Variants in CFHR5 observed in about 807,000 individuals in gnomAD.
CFHR5 encodes the protein complement factor H related 5.
CFHR5 carries 73 observed loss-of-function variants against 62.9 expected under a neutral mutation model. The observed-to-expected ratio is 1.16, with a 90% CI of 0.96 to 1.41. The LOEUF (loss-of-function observed/expected upper bound fraction) is 1.41. CFHR5 is among the 40% of genes most tolerant of loss of function. CFHR5 has a pLI of 0.00. For missense variants in CFHR5, 779 were observed against 679.9 expected (o/e 1.15, Z -1.62); for synonymous variants, 249 against 227.2 (o/e 1.10, Z -0.86).
chr1:196,998,102 T>A, intron 6 of CFHR5, 26 bp from the exon 7 acceptor site: 1 of 1,376,146 alleles, frequency 7.3e-7, no homozygotes, highest in South Asian at 1.3e-5. Flanking sequence ...AATTGTTTAG[T>A]TTCTATTTAA....
chr1:196,994,252 C>G lies in CFHR5; in HGVS notation c.603C>G (p.Cys201Trp), dbSNP rs1653931459. 1 of 1,609,158 alleles carries G rather than the reference C, an allele frequency of 6.2e-7. No homozygotes were observed. The highest frequency in any genetic ancestry group is 1.3e-5 in the African/African-American group (1 of 74,746). Residue 201 changes from cysteine (C) to tryptophan (W), a missense_variant, in exon 4 of 10, where the codon TGC (cysteine) becomes TGG (tryptophan). By Grantham distance (215) the Cys-to-Trp change is radical. Coordinates refer to ENST00000256785, the MANE Select transcript of CFHR5 (RefSeq NM_030787.4). ...QFGWSPNFPT[C>W]KGQVRSCGPP... ...GGTGGTCACCTAACTTTCCAACATG[C>G]AAAGGTCAGTATTTATTTTAGAAGT...
chr1:197,004,558 G>A, intron 8 of CFHR5, 103 bp from the exon 9 acceptor site: 2 of 927,162 alleles, frequency 2.2e-6, no homozygotes, highest in South Asian at 1.4e-5. Flanking sequence ...TTAATTATTT[G>A]AATTTCCAGA....
intron 7 of CFHR5, among the ~76,000 whole-genome samples, chr1:197,001,637 G>A (rs916091381): frequency 2.6e-5 from 4 of 151,198 alleles, no homozygotes; most frequent in African/African-American, 7.3e-5. Flanking sequence ...GTGTCATGTT[G>A]GTGTGCTGCA....
At chr1:196,992,648 G>A (rs1341133494) in intron 3 of CFHR5, among the ~76,000 whole-genome samples, 1 of 152,084 alleles carries the variant, frequency 6.6e-6, no homozygotes, top group Non-Finnish European at 1.5e-5. Flanking sequence ...TTCCTATTCG[G>A]CCATCTTGGA....
In CFHR5 at chr1:197,002,486, A is replaced by T; in HGVS notation, c.1152A>T (p.Lys384Asn). ...TTTAATTCCAATATTTTGTAGAAAA[A>T]AGGGAACAATTCTGCCCACCGCCAC... ...KWNPEVDCTE[K>N]REQFCPPPPQ... Residue 384 changes from lysine to asparagine, a missense_variant, in exon 8 of 10, where the codon AAA becomes AAT. By Grantham distance (94) the Lys-to-Asn change is moderately conservative. Coordinates refer to ENST00000256785, the MANE Select transcript of CFHR5 (RefSeq NM_030787.4). The T allele has an allele frequency of 6.2e-7, 1 of 1,611,892 alleles. No individual in the cohort carries two copies. Among genetic ancestry groups the T allele is most frequent in the East Asian group, 2.2e-5 (1 of 44,796 alleles).
chr1:196,986,943 C>T (rs972229235), intron 3 of CFHR5, among the ~76,000 whole-genome samples: 1 of 152,200 alleles, frequency 6.6e-6, no homozygotes, highest in Admixed American at 6.5e-5. Context: ...GGAATTGCCA[C>T]ACTGTCTACC....
intron 9 of CFHR5, among the ~76,000 whole-genome samples, chr1:197,006,811 T>C (rs1296076949): frequency 1.3e-5 from 2 of 152,124 alleles, no homozygotes; most frequent in Non-Finnish European, 2.9e-5. Flanking sequence ...ATATTTTTAA[T>C]AGCAGTTTTT....
chr1:196,993,270 T>A (rs1653896080), intron 3 of CFHR5, among the ~76,000 whole-genome samples: 1 of 152,174 alleles, frequency 6.6e-6, no homozygotes, highest in South Asian at 2.1e-4. Flanking sequence ...TAACATTTAT[T>A]AGTTGTATCC....
chr1:196,983,509 T>C (rs1198806644), intron 2 of CFHR5, among the ~76,000 whole-genome samples: 1 of 152,186 alleles, frequency 6.6e-6, no homozygotes, highest in African/African-American at 2.4e-5. Flanking sequence ...ATTTATTTGG[T>C]CCTTCAAAGT....
At chr1:196,986,451 T>C (rs1382574290) in intron 3 of CFHR5, among the ~76,000 whole-genome samples, 1 of 152,046 alleles carries the variant, frequency 6.6e-6, no homozygotes, top group African/African-American at 2.4e-5. Flanking sequence ...ACATGTGTCA[T>C]ATTGGTTTGC....
intron 7 of CFHR5, among the ~76,000 whole-genome samples, chr1:197,001,510 A>T (rs1654152816): frequency 6.6e-6 from 1 of 152,148 alleles, no homozygotes; most frequent in Non-Finnish European, 1.5e-5. Context: ...GAAAAAAAAT[A>T]GCACTTTCAA....
rs1015968854 is a variant in CFHR5, at chr1:197,008,842, A to G, written c.*159A>G. On this transcript the variant is annotated 3_prime_UTR_variant, in exon 10 of 10. Transcript: ENST00000256785. ...GATTTTTAGAGCTTTAGAAATTTGT[A>G]AGCTGAGAGAACAATGTTTCACTTA... 1 of 652,964 alleles carries G rather than the reference A, an allele frequency of 1.5e-6. No individual in the cohort carries two copies. The highest frequency in any genetic ancestry group is 1.8e-5 in the African/African-American group (1 of 55,200). 40.4% of individuals were successfully genotyped at this position (652,964 alleles called of 1,614,324 possible). A position where few individuals can be genotyped will look rare whatever the true frequency, so the allele number is the denominator to read the frequency against.
upstream of CFHR5, chr1:196,977,449 G>A (rs1238418716): frequency 1.9e-5 from 11 of 592,934 alleles, no homozygotes; most frequent in Non-Finnish European, 3.1e-5. Flanking sequence ...AACGAGCTGA[G>A]AATATTATTG....
At chr1:197,003,647 A>G (rs1323273161) in intron 8 of CFHR5, among the ~76,000 whole-genome samples, 1 of 151,978 alleles carries the variant, frequency 6.6e-6, no homozygotes, top group East Asian at 1.9e-4. Flanking sequence ...AATTTTGCCT[A>G]GAGATATTTC....
rs774164109 is a variant in CFHR5, at chr1:196,995,916, A to G, written c.790+17A>G. 6 of 1,605,316 alleles carry G rather than the reference A, an allele frequency of 3.7e-6. 1 individual carries two copies. In the Admixed American group the frequency reaches 1.0e-4, roughly 27 times the overall value. ...CTTGTGTTGGTAAATAAATATTAACATTTAAACAGGACAGTTACTATTACT... is the reference window on the plus strand; with the variant it reads ...CTTGTGTTGGTAAATAAATATTAACGTTTAAACAGGACAGTTACTATTACT... On this transcript the variant is annotated intron_variant, in intron 5 of 9. Coordinates refer to ENST00000256785, the MANE Select transcript of CFHR5 (RefSeq NM_030787.4).
At chr1:196,997,652 A>C (rs1654030766) in intron 6 of CFHR5, among the ~76,000 whole-genome samples, 1 of 152,118 alleles carries the variant, frequency 6.6e-6, no homozygotes, top group South Asian at 2.1e-4. Context: ...GTTTTTGCTG[A>C]GCTTTTGAAA....
chr1:196,998,625 A>G (rs1200755875), intron 7 of CFHR5, among the ~76,000 whole-genome samples: 2 of 152,052 alleles, frequency 1.3e-5, no homozygotes, highest in African/African-American at 4.8e-5. Context: ...TTAAAACCCC[A>G]ATTATGCACT....
intron 1 of CFHR5, among the ~76,000 whole-genome samples, chr1:196,982,236 C>T (rs1463268684): frequency 6.6e-6 from 1 of 152,126 alleles, no homozygotes; most frequent in Non-Finnish European, 1.5e-5. Context: ...CTCTACTGTA[C>T]ACTACATAGA....
At chr1:196,995,576 G>C in intron 4 of CFHR5, 141 bp from the exon 5 acceptor site, 1 of 704,214 alleles carries the variant, frequency 1.4e-6, no homozygotes, top group Non-Finnish European at 2.5e-6. Context: ...AATACACTAT[G>C]TACACTGCAA....
Sources: gnomAD v4.1 joint callset for allele counts (sites outside exome capture counted in the v4.1 genomes callset) on GRCh38, gnomAD v4.1.1 for gene constraint, MANE v1.5 for transcripts, NCBI Gene and HGNC (gene_info 2026-07-23, HGNC 2026-07-21) for gene names.